Variants in SEC24C observed in about 807,000 individuals in gnomAD.
SEC24C encodes the protein protein transport protein Sec24C.
In SEC24C, 22 loss-of-function variants were observed where a neutral mutation model predicts 117.0. The ratio of observed to expected loss-of-function variants is 0.19; its 90% confidence interval spans 0.13 to 0.27. The LOEUF (loss-of-function observed/expected upper bound fraction) is 0.27. SEC24C is among the 10% of genes least tolerant of loss of function. SEC24C has a pLI of 1.00. For synonymous variants in SEC24C, 506 were observed against 529.4 expected (o/e 0.96, Z 0.61); for missense variants, 1,155 against 1,375.1 (o/e 0.84, Z 2.53).
At position 73,760,097 on chromosome 10, in the gene SEC24C, T is replaced by C. The variant is rs1246636882; in HGVS notation, c.561T>C (p.Ala187=). 2 of 1,613,968 alleles carry C rather than the reference T, an allele frequency of 1.2e-6. No individual in the cohort carries two copies. Among genetic ancestry groups the C allele is most frequent in the African/African-American group, 1.3e-5 (1 of 75,016 alleles). Reference sequence around the variant, plus strand: ...ATGGCTCCTATCCTCAGGGCCAGGCTCCTCCCCTTAGCCAGGCCCAAGGTC... The same window carrying C: ...ATGGCTCCTATCCTCAGGGCCAGGCCCCTCCCCTTAGCCAGGCCCAAGGTC... The part of the protein sequence containing the change: ...GLYGSYPQGQ[A]PPLSQAQGHP... Residue 187 remains alanine (A), a synonymous_variant, in exon 5 of 23, where the codon GCT becomes GCC. Transcript: ENST00000345254.
In SEC24C at chr10:73,767,967, A is replaced by C. The variant is rs1565048293; in HGVS notation, c.2141A>C (p.Gln714Pro). The C allele has an allele frequency of 6.2e-7, 1 of 1,613,368 alleles. No individual in the cohort carries two copies. The highest frequency in any genetic ancestry group is 2.2e-5 in the East Asian group (1 of 44,850). ...GTGGCCACACTCTCTGTTGTGCCCC[A>C]GCTCACTGGTGGCTCTGTCTACAAA... ...VDVATLSVVP[Q>P]LTGGSVYKYA... The change falls in exon 15 of 23, where the codon CAG (glutamine) becomes CCG (proline). Residue 714 changes from glutamine (Q) to proline (P), a missense_variant. Physicochemically the swap from Gln to Pro is moderately conservative, Grantham distance 76 (BLOSUM62 -1). This residue lies in a region of SEC24C where 759 missense variants were observed against 992.3 expected (regional missense o/e 0.76). Transcript: ENST00000345254.
At chr10:73,758,574 C>T (rs1482170262) in intron 3 of SEC24C, among the ~76,000 whole-genome samples, 1 of 152,196 alleles carries the variant, frequency 6.6e-6, no homozygotes, top group East Asian at 1.9e-4. Context: ...TTCCCCTATT[C>T]TTCCAACCTT....
chr10:73,747,858 C>T (rs1204039430), intron 2 of SEC24C, among the ~76,000 whole-genome samples: 1 of 151,962 alleles, frequency 6.6e-6, no homozygotes, highest in Non-Finnish European at 1.5e-5. Context: ...GGGGTTTCTC[C>T]ATGTTGGTCA....
At chr10:73,755,473 C>G (rs529531535) in intron 3 of SEC24C, among the ~76,000 whole-genome samples, 1 of 151,780 alleles carries the variant, frequency 6.6e-6, no homozygotes, top group African/African-American at 2.4e-5. Flanking sequence ...GTCAGGAGAT[C>G]GAGACCATCC....
intron 7 of SEC24C, 50 bp from the exon 8 acceptor site, chr10:73,763,806 G>A (rs1357678736): frequency 1.9e-6 from 3 of 1,589,888 alleles, no homozygotes; most frequent in East Asian, 2.3e-5. Flanking sequence ...GAGAGCTGGT[G>A]TCTGGAAGGA....
At chr10:73,761,905 C>T (rs1397704744) in intron 6 of SEC24C, among the ~76,000 whole-genome samples, 3 of 152,060 alleles carry the variant, frequency 2.0e-5, no homozygotes, top group African/African-American at 7.2e-5. Context: ...TAGTCTGAGC[C>T]ATTAAAGCCT....
At chr10:73,761,364 C>T (rs1029005648) in intron 6 of SEC24C, among the ~76,000 whole-genome samples, 24 of 152,056 alleles carry the variant, frequency 1.6e-4, no homozygotes, top group Admixed American at 5.9e-4. Context: ...GAAGAGTGAA[C>T]GACAGTTTAT....
intron 9 of SEC24C, 89 bp downstream of exon 9, chr10:73,765,678 C>G: frequency 6.3e-7 from 1 of 1,583,320 alleles, no homozygotes; most frequent in Non-Finnish European, 8.6e-7. Flanking sequence ...GAGGGTCCAT[C>G]TTTCAGGAGC....
intron 1 of SEC24C, among the ~76,000 whole-genome samples, chr10:73,745,232 T>A (rs898411279): frequency 6.6e-6 from 1 of 152,116 alleles, no homozygotes; most frequent in Non-Finnish European, 1.5e-5. Context: ...GATAGTTTTC[T>A]TGGAAGGACC....
Position 73,759,770 on chromosome 10 carries a change from C to T in SEC24C, c.457C>T (p.Pro153Ser). The T allele has an allele frequency of 1.3e-6, 2 of 1,596,416 alleles. No homozygotes were observed. The highest frequency in any genetic ancestry group is 1.1e-5 in the South Asian group (1 of 88,598). Residue 153 changes from proline (P) to serine (S), a missense_variant, in exon 4 of 23, where the codon CCT (proline) becomes TCT (serine). By Grantham distance (74) the Pro-to-Ser change is moderately conservative. Transcript: ENST00000345254. ...MQISGAVAPAPPSSGLGFGPP... is the reference protein window; with the variant it reads ...MQISGAVAPASPSSGLGFGPP... ...GATCAGCGGTGCTGTGGCCCCAGCCCCTCCTTCTTCAGGGCTGGGCTTTGG... is the reference window on the plus strand; with the variant it reads ...GATCAGCGGTGCTGTGGCCCCAGCCTCTCCTTCTTCAGGGCTGGGCTTTGG...
rs772709519 is a variant in SEC24C at position 73,768,859 on chromosome 10, A to G, written c.2231A>G (p.Gln744Arg). 80 of 1,614,030 alleles carry G rather than the reference A, an allele frequency of 5.0e-5. No homozygotes were observed. Among genetic ancestry groups the G allele is most frequent in the Non-Finnish European group, 6.5e-5 (77 of 1,180,050 alleles). ...CTGAGTGACCTGCGTCGTGATGTCCAGAAGGTTGTTGGCTTTGATGCTGTG... is the reference window on the plus strand; with the variant it reads ...CTGAGTGACCTGCGTCGTGATGTCCGGAAGGTTGTTGGCTTTGATGCTGTG... Reference protein sequence around the residue: ...RFLSDLRRDVQKVVGFDAVMR... With the variant: ...RFLSDLRRDVRKVVGFDAVMR... The change falls in exon 16 of 23, where the codon CAG (glutamine) becomes CGG (arginine). Residue 744 changes from glutamine (Q) to arginine (R), a missense_variant. Physicochemically the swap from Gln to Arg is conservative, Grantham distance 43. Transcript: ENST00000345254.
Position 73,760,122 on chromosome 10 carries a change from C to T in SEC24C, c.586C>T (p.His196Tyr), listed in dbSNP as rs1406595070. Residue 196 changes from histidine to tyrosine, a missense_variant, in exon 5 of 23, where the codon CAT becomes TAT. Physicochemically the swap from His to Tyr is moderately conservative, Grantham distance 83. This residue lies in a region of SEC24C where 396 missense variants were observed against 382.8 expected (regional missense o/e 1.03). Coordinates refer to ENST00000345254, the MANE Select transcript of SEC24C (RefSeq NM_198597.3). ...TCCTCCCCTTAGCCAGGCCCAAGGT[C>T]ATCCTGGGATCCAGACTCCCCAGCG... ...QAPPLSQAQG[H>Y]PGIQTPQRSA... The T allele has an allele frequency of 1.9e-6, 3 of 1,614,142 alleles. No individual in the cohort carries two copies. The highest frequency in any genetic ancestry group is 1.3e-5 in the African/African-American group (1 of 75,044).
At chr10:73,753,161 A>C (rs2082665561) in intron 3 of SEC24C, among the ~76,000 whole-genome samples, 1 of 151,964 alleles carries the variant, frequency 6.6e-6, no homozygotes, top group South Asian at 2.1e-4. Context: ...GCGATTCTCC[A>C]GCCTCAGCCT....
In SEC24C at chr10:73,763,667, C is replaced by CTTTTTT. The variant is rs71021569; in HGVS notation, c.1099+93_1099+98dup. On this transcript the variant is annotated intron_variant, in intron 7 of 22. Transcript: ENST00000345254. ...CAAGATTATCAGCTTATGGTTGGGG[C>CTTTTTT]TTTTTTTTTTTTTTTTTTTTTTTTT... 9.5e-3 allele frequency: 574 copies of CTTTTTT among 60,306 alleles called. 65 individuals are homozygous for CTTTTTT. Among genetic ancestry groups the CTTTTTT allele is most frequent in the Non-Finnish European group, 0.012 (406 of 32,604 alleles). 3.7% of individuals were successfully genotyped at this position (60,306 alleles called of 1,614,324 possible).
At position 73,759,719 on chromosome 10, in the gene SEC24C, G is replaced by A. The variant is rs1487207489; in HGVS notation, c.406G>A (p.Val136Met). 1 of 1,610,568 alleles carries A rather than the reference G, an allele frequency of 6.2e-7. No individual in the cohort carries two copies. Among genetic ancestry groups the A allele is most frequent in the South Asian group, 1.1e-5 (1 of 90,654 alleles). ...PYGPPPTSAQ[V>M]ATQLSGMQIS... ...TGGCCCTCCCCCGACAAGTGCACAG[G>A]TGGCTACGCAGCTGTCTGGAATGCA... Residue 136 changes from valine (V) to methionine (M), a missense_variant, in exon 4 of 23, where the codon GTG (valine) becomes ATG (methionine). Physicochemically the swap from Val to Met is conservative, Grantham distance 21. Transcript: ENST00000345254.
At chr10:73,766,315 G>A (rs750622952) in intron 11 of SEC24C, 35 bp from the exon 12 acceptor site, 2 of 1,583,232 alleles carry the variant, frequency 1.3e-6, no homozygotes, top group Non-Finnish European at 1.7e-6. Flanking sequence ...GGTGGAAAAG[G>A]TGGCAAGTCT....
chr10:73,746,176 A>C (rs933129079), intron 1 of SEC24C, among the ~76,000 whole-genome samples: 5 of 151,052 alleles, frequency 3.3e-5, no homozygotes, highest in African/African-American at 4.9e-5. Flanking sequence ...AAAAAAAAAA[A>C]AAAAAACCTT....
chr10:73,760,871 C>G (rs1210685445), intron 6 of SEC24C, 22 bp downstream of exon 6: 2 of 1,591,582 alleles, frequency 1.3e-6, no homozygotes, highest in African/African-American at 2.7e-5. Flanking sequence ...CTTTCATGGT[C>G]CTGAGGAAGG....
At position 73,765,357 on chromosome 10, in the gene SEC24C, A is replaced by T. The variant is rs540582012; in HGVS notation, c.1228-94A>T. 25 of 1,404,082 alleles carry T rather than the reference A, an allele frequency of 1.8e-5. No homozygotes were observed. The Admixed American group carries it at 4.4e-4, about 25-fold the overall frequency. The allele number at this position is 1,404,082 out of a possible 1,614,324, so 87.0% of individuals were successfully genotyped here. A position where few individuals can be genotyped will look rare whatever the true frequency, so the allele number is the denominator to read the frequency against. On this transcript the variant is annotated intron_variant, in intron 8 of 22. Coordinates refer to ENST00000345254, the MANE Select transcript of SEC24C (RefSeq NM_198597.3). ...CCTCTGCAGACAGAATATCTGCGCC[A>T]TGCGCCTTCTTCCTCCGGTTGTTCT...
Sources: gnomAD v4.1 joint callset for allele counts (sites outside exome capture counted in the v4.1 genomes callset) on GRCh38, gnomAD v4.1.1 for gene constraint, gnomAD v4.1.1 regional missense constraint, MANE v1.5 for transcripts, NCBI Gene and HGNC (gene_info 2026-07-23, HGNC 2026-07-21) for gene names.